The following FAM168B variants were observed in gnomAD, a reference collection of about 807,000 sequenced individuals.
FAM168B encodes myelin-associated neurite-outgrowth inhibitor.
A neutral mutation model predicts 21.8 loss-of-function variants in FAM168B; 19 were observed. The ratio of observed to expected loss-of-function variants is 0.87; its 90% confidence interval spans 0.61 to 1.28. The LOEUF is 1.28. FAM168B is among the 50% of genes most tolerant of loss of function. The pLI, the probability that FAM168B is intolerant of heterozygous loss-of-function variation, is 0.00. For missense variants in FAM168B, 233 were observed against 263.1 expected (o/e 0.89, Z 0.79); for synonymous variants, 126 against 104.8 (o/e 1.20, Z -1.24).
At chr2:131,053,300 T>C (rs1691810571) in intron 5 of FAM168B, among the ~76,000 whole-genome samples, 1 of 152,184 alleles carries the variant, frequency 6.6e-6, no homozygotes, top group Non-Finnish European at 1.5e-5. Context: ...CAAATGAGTA[T>C]GCTTCAGCCT....
chr2:131,086,933 C>T (rs1306228234), intron 1 of FAM168B, among the ~76,000 whole-genome samples: 5 of 129,080 alleles, frequency 3.9e-5, no homozygotes, highest in Non-Finnish European at 7.7e-5. Flanking sequence ...GGCGAGGTGG[C>T]GGGCGCCTGT....
At chr2:131,053,154 A>G in intron 5 of FAM168B, 139 bp from the exon 6 acceptor site, 1 of 1,254,500 alleles carries the variant, frequency 8.0e-7, no homozygotes, top group Non-Finnish European at 1.0e-6. Context: ...ATACTGTCAG[A>G]ACTCTGATTA....
intron 3 of FAM168B, among the ~76,000 whole-genome samples, chr2:131,058,319 G>A (rs995397362): frequency 6.6e-6 from 1 of 152,068 alleles, no homozygotes; most frequent in African/African-American, 2.4e-5. Flanking sequence ...TAAGCAACAC[G>A]AAGCCTTCAA....
In FAM168B at chr2:131,048,872, G is replaced by T. The variant is rs1573731469; in HGVS notation, c.*3593C>A. 1.0e-6 allele frequency: 1 copy of T among 986,122 alleles called. No individual in the cohort carries two copies. Among genetic ancestry groups the T allele is most frequent in the Non-Finnish European group, 1.2e-6 (1 of 830,166 alleles). 61.1% of individuals were successfully genotyped at this position (986,122 alleles called of 1,614,324 possible). On this transcript the variant is annotated 3_prime_UTR_variant, in exon 7 of 7. Coordinates refer to ENST00000389915, the MANE Select transcript of FAM168B (RefSeq NM_001009993.4). ...CCACCTGCTGCTGCGCCCAATGGAG[G>T]TCCTGTCCTGTCCGGGCAACAGCCA...
At position 131,048,946 on chromosome 2, in the gene FAM168B, AGGT is replaced by A. The variant is rs1691473483; in HGVS notation, c.*3516_*3518del. 4.1e-6 allele frequency: 4 copies of A among 985,752 alleles called. No individual in the cohort carries two copies. The highest frequency in any genetic ancestry group is 4.8e-6 in the Non-Finnish European group (4 of 830,026). 61.1% of individuals were successfully genotyped at this position (985,752 alleles called of 1,614,324 possible). ...AACAGTCAGCTGTCGGATAAGGTGA[AGGT>A]GGCCCAACTGCTCAGAGTAACACTG... On this transcript the variant is annotated 3_prime_UTR_variant, in exon 7 of 7. Coordinates refer to ENST00000389915, the MANE Select transcript of FAM168B (RefSeq NM_001009993.4).
At chr2:131,081,440 A>G (rs1433918859) in intron 2 of FAM168B, among the ~76,000 whole-genome samples, 2 of 152,122 alleles carry the variant, frequency 1.3e-5, no homozygotes, top group Admixed American at 6.5e-5. Flanking sequence ...AAGCCTGGAG[A>G]CTATTTTTAC....
Position 131,055,276 on chromosome 2 carries a change from T to G in FAM168B, c.471A>C (p.Ser157=). 1 of 1,562,134 alleles carries G rather than the reference T, an allele frequency of 6.4e-7. No homozygotes were observed. ...ACCGCAGGAACGAGGACTTACCTGCTGACATGGCCATGGTGGTCCCAGCCA... is the reference window on the plus strand; with the variant it reads ...ACCGCAGGAACGAGGACTTACCTGCGGACATGGCCATGGTGGTCCCAGCCA... ...GMVAGTTMAM[S]AGTLLTAHSP... is the part of the protein sequence containing the mutation. The change falls in exon 5 of 7, where the codon TCA becomes TCC. Residue 157 remains serine, a synonymous_variant. Coordinates refer to ENST00000389915, the MANE Select transcript of FAM168B (RefSeq NM_001009993.4).
In FAM168B at chr2:131,048,411, G is replaced by C. The variant is rs11541220; in HGVS notation, c.*4054C>G. 7.9e-7 allele frequency: 1 copy of C among 1,262,120 alleles called. No homozygotes were observed. Among genetic ancestry groups the C allele is most frequent in the South Asian group, 1.3e-5 (1 of 75,062 alleles). 78.2% of individuals were successfully genotyped at this position (1,262,120 alleles called of 1,614,324 possible). A position where few individuals can be genotyped will look rare whatever the true frequency, so the allele number is the denominator to read the frequency against. On this transcript the variant is annotated 3_prime_UTR_variant, in exon 7 of 7. Transcript: ENST00000389915. ...ACACCACCCTTCTGCAGGCCCGGGGGGGGGTCCCTACACAGACGCCGCTCA... is the reference window on the plus strand; with the variant it reads ...ACACCACCCTTCTGCAGGCCCGGGGCGGGGTCCCTACACAGACGCCGCTCA...
At chr2:131,071,417 G>A (rs1692863635) in intron 3 of FAM168B, among the ~76,000 whole-genome samples, 1 of 152,184 alleles carries the variant, frequency 6.6e-6, no homozygotes, top group Admixed American at 6.5e-5. Flanking sequence ...AATATTAACA[G>A]TGATTTCCAA....
intron 2 of FAM168B, among the ~76,000 whole-genome samples, chr2:131,079,743 C>T (rs1353264773): frequency 6.6e-6 from 1 of 152,046 alleles, no homozygotes; most frequent in African/African-American, 2.4e-5. Flanking sequence ...CAAACACACC[C>T]GGCAAAAGAA....
chr2:131,086,637 G>T (rs899795068), intron 1 of FAM168B, among the ~76,000 whole-genome samples: 1 of 152,138 alleles, frequency 6.6e-6, no homozygotes, highest in Non-Finnish European at 1.5e-5. Context: ...TCCAAATATG[G>T]TAAGTGAATT....
intron 2 of FAM168B, among the ~76,000 whole-genome samples, chr2:131,079,873 T>C (rs375515014): frequency 2.0e-5 from 3 of 152,170 alleles, no homozygotes; most frequent in East Asian, 3.9e-4. Flanking sequence ...TCCCAACACT[T>C]TGGGAGGCCG....
intron 3 of FAM168B, among the ~76,000 whole-genome samples, chr2:131,060,294 G>A (rs1692228672): frequency 6.6e-6 from 1 of 152,160 alleles, no homozygotes; most frequent in Non-Finnish European, 1.5e-5. Flanking sequence ...AAAGTGCTGG[G>A]ATTACAAGCG....
In FAM168B at chr2:131,049,540, A is replaced by G. The variant is rs1490347287; in HGVS notation, c.*2925T>C. The G allele has an allele frequency of 1.0e-6, 1 of 985,328 alleles. No homozygotes were observed. The highest frequency in any genetic ancestry group is 1.7e-5 in the African/African-American group (1 of 57,216). The allele number at this position is 985,328 out of a possible 1,614,324, so 61.0% of individuals were successfully genotyped here. A position where few individuals can be genotyped will look rare whatever the true frequency, so the allele number is the denominator to read the frequency against. The stretch of plus-strand genomic sequence containing the variant: ...AGTTCATGGGTCACTGGCTCACACT[A>G]AATGCTCAGCCGCCAGCACAGATCC... On this transcript the variant is annotated 3_prime_UTR_variant, in exon 7 of 7. Coordinates refer to ENST00000389915, the MANE Select transcript of FAM168B (RefSeq NM_001009993.4).
At chr2:131,053,749 C>T (rs1001187011) in intron 5 of FAM168B, among the ~76,000 whole-genome samples, 1 of 152,018 alleles carries the variant, frequency 6.6e-6, no homozygotes, top group Non-Finnish European at 1.5e-5. Flanking sequence ...TGGTAGCATA[C>T]TTATAGTCCC....
intron 2 of FAM168B, among the ~76,000 whole-genome samples, chr2:131,080,520 A>C (rs1478450791): frequency 6.6e-6 from 1 of 151,562 alleles, no homozygotes; most frequent in Non-Finnish European, 1.5e-5. Context: ...CGGGAGGCTG[A>C]GGCTGGAGAA....
At chr2:131,060,622 G>A (rs1573762462) in intron 3 of FAM168B, among the ~76,000 whole-genome samples, 1 of 152,176 alleles carries the variant, frequency 6.6e-6, no homozygotes, top group African/African-American at 2.4e-5. Context: ...TTAGAGACCT[G>A]CTGTTTCTAA....
At chr2:131,073,060 T>G (rs141578979) in intron 2 of FAM168B, among the ~76,000 whole-genome samples, 1 of 152,202 alleles carries the variant, frequency 6.6e-6, no homozygotes, top group Non-Finnish European at 1.5e-5. Flanking sequence ...TGTTTTAAAC[T>G]TCTAAATTCA....
rs1691457790 is a variant in FAM168B, at chr2:131,048,772, C to G, written c.*3693G>C. 1.0e-6 allele frequency: 1 copy of G among 986,840 alleles called. No individual in the cohort carries two copies. The highest frequency in any genetic ancestry group is 4.7e-5 in the South Asian group (1 of 21,376). The allele number at this position is 986,840 out of a possible 1,614,324, so 61.1% of individuals were successfully genotyped here. Reference sequence around the variant, plus strand: ...TGCCTTCCCCCAGGCCAACCACACTCTGCTTTAGAGACCCTCTCAGAAAGC... The same window carrying G: ...TGCCTTCCCCCAGGCCAACCACACTGTGCTTTAGAGACCCTCTCAGAAAGC... On this transcript the variant is annotated 3_prime_UTR_variant, in exon 7 of 7. Transcript: ENST00000389915.
Sources: gnomAD v4.1 joint callset for allele counts (sites outside exome capture counted in the v4.1 genomes callset) on GRCh38, gnomAD v4.1.1 for gene constraint, MANE v1.5 for transcripts, NCBI Gene and HGNC (gene_info 2026-07-23, HGNC 2026-07-21) for gene names.